The following SAP30BP variants were observed in gnomAD, a reference collection of about 807,000 sequenced individuals.
SAP30BP encodes the protein SAP30 binding protein.
SAP30BP carries 31 observed loss-of-function variants against 46.3 expected under a neutral mutation model. That is an observed-to-expected ratio of 0.67 (90% confidence interval 0.50 to 0.90). The LOEUF (loss-of-function observed/expected upper bound fraction) is 0.90. Ranked by LOEUF, SAP30BP falls within the 40% of genes least tolerant of loss-of-function variation. The probability of loss-of-function intolerance (pLI) is 0.00; values close to 1 mark genes in which losing one functional copy is unlikely to be tolerated. For missense variants in SAP30BP, 312 were observed against 391.0 expected, an observed-to-expected ratio of 0.80 and a Z score of 1.70; for synonymous variants, 169 against 144.2, an observed-to-expected ratio of 1.17 and a Z score of -1.23.
intron 3 of SAP30BP, among the ~76,000 whole-genome samples, chr17:75,675,791 C>CCT (rs2059980980): frequency 6.6e-6 from 1 of 152,032 alleles, no homozygotes; most frequent in African/African-American, 2.4e-5. Flanking sequence ...GCGGCGCATG[C>CCT]CTCTAGTCCC....
chr17:75,682,190 T>G (rs2060086724), intron 3 of SAP30BP, among the ~76,000 whole-genome samples: 1 of 149,750 alleles, frequency 6.7e-6, no homozygotes, highest in Non-Finnish European at 1.5e-5. Context: ...ATACGACCAT[T>G]TTTTTTTTTT....
chr17:75,694,685 A>G (rs2060289944), intron 4 of SAP30BP, among the ~76,000 whole-genome samples: 1 of 152,212 alleles, frequency 6.6e-6, no homozygotes, highest in Non-Finnish European at 1.5e-5. Flanking sequence ...TATCCCCGCC[A>G]TCACCCGAGC....
At chr17:75,695,547 C>T (rs566984347) in intron 4 of SAP30BP, among the ~76,000 whole-genome samples, 13 of 152,246 alleles carry the variant, frequency 8.5e-5, no homozygotes, top group Admixed American at 2.0e-4. Context: ...TAAGCGGCAT[C>T]GTTTTGATTA....
Position 75,706,123 on chromosome 17 carries a change from A to T in SAP30BP, c.745+31A>T. On this transcript the variant is annotated intron_variant, in intron 10 of 10. Transcript: ENST00000584667. The surrounding 1 kb of genome is among the most constrained non-coding windows in gnomAD (Gnocchi z 4.6). Reference sequence around the variant, plus strand: ...TTGCAGAGCTGCCCTGCCTCCTGCCACACACATGGAGCCAGGGTCTCCCTG... The same window carrying T: ...TTGCAGAGCTGCCCTGCCTCCTGCCTCACACATGGAGCCAGGGTCTCCCTG... 1 of 1,598,278 alleles carries T rather than the reference A, an allele frequency of 6.3e-7. No individual in the cohort carries two copies.
At chr17:75,697,561 A>G (rs563418840) in intron 4 of SAP30BP, among the ~76,000 whole-genome samples, 3 of 152,302 alleles carry the variant, frequency 2.0e-5, no homozygotes, top group East Asian at 3.9e-4. Flanking sequence ...ACCTCTGATC[A>G]ATGTATCACC....
chr17:75,703,864 C>G lies in SAP30BP; in HGVS notation c.601+5C>G. ...ACTCCTACTATGAGGCATTAGGTAG[C>G]CTTTCGTCCCTCCTCCCATATACCT... On this transcript the variant is annotated splice_donor_5th_base_variant and intron_variant, in intron 8 of 10. Transcript: ENST00000584667. 6.2e-7 allele frequency: 1 copy of G among 1,605,842 alleles called. No homozygotes were observed. The highest frequency in any genetic ancestry group is 8.5e-7 in the Non-Finnish European group (1 of 1,172,392).
chr17:75,696,131 C>T (rs966734752), intron 4 of SAP30BP, among the ~76,000 whole-genome samples: 1 of 152,224 alleles, frequency 6.6e-6, no homozygotes, highest in African/African-American at 2.4e-5. Flanking sequence ...GTGCGGCTGC[C>T]TCTGAGAACA....
At chr17:75,692,949 G>A (rs533430139) in intron 3 of SAP30BP, 1 of 152,664 alleles carries the variant, frequency 6.6e-6, no homozygotes, top group South Asian at 2.1e-4. Flanking sequence ...AATAAGAAGA[G>A]TATCTTGGGA....
At position 75,668,809 on chromosome 17, in the gene SAP30BP, A is replaced by C. The variant is rs193148346; in HGVS notation, c.216+184A>C. 2.0e-5 allele frequency among the ~76,000 whole-genome samples: 3 copies of C among 152,308 alleles called. No individual in the cohort carries two copies. The East Asian group carries it at 5.8e-4, about 29-fold the overall frequency. On this transcript the variant is annotated intron_variant, in intron 2 of 10. Coordinates refer to ENST00000584667, the MANE Select transcript of SAP30BP (RefSeq NM_013260.8). Reference sequence around the variant, plus strand: ...TGTTTGAAAATGTATTTTCACATGGATCATTTTTTATTAATCTTTGAATTG... The same window carrying C: ...TGTTTGAAAATGTATTTTCACATGGCTCATTTTTTATTAATCTTTGAATTG...
intron 7 of SAP30BP, 104 bp downstream of exon 7, chr17:75,703,475 C>T (rs991314604): frequency 1.5e-5 from 15 of 979,540 alleles, no homozygotes; most frequent in Middle Eastern, 3.0e-4. Context: ...CGTGGTGGCA[C>T]GGCTCGTTGA....
At chr17:75,671,467 T>G (rs1313537187) in intron 2 of SAP30BP, among the ~76,000 whole-genome samples, 1 of 152,200 alleles carries the variant, frequency 6.6e-6, no homozygotes, top group Non-Finnish European at 1.5e-5. Flanking sequence ...GATGCCTGTT[T>G]TATTGTGTGG....
At chr17:75,685,757 G>A (rs868668425) in intron 3 of SAP30BP, among the ~76,000 whole-genome samples, 1 of 152,088 alleles carries the variant, frequency 6.6e-6, no homozygotes, top group Non-Finnish European at 1.5e-5. Context: ...CTTGTGGGAA[G>A]CCTTGAAGGG....
chr17:75,697,935 G>T (rs762482653), intron 4 of SAP30BP, among the ~76,000 whole-genome samples: 2 of 152,240 alleles, frequency 1.3e-5, no homozygotes, highest in Non-Finnish European at 2.9e-5. Flanking sequence ...CAGTGGGTTA[G>T]CTGGGGCCTG....
intron 3 of SAP30BP, among the ~76,000 whole-genome samples, chr17:75,677,608 T>TC: frequency 1.3e-5 from 1 of 74,928 alleles, no homozygotes; most frequent in East Asian, 9.0e-4. Context: ...ATTTTTGTAT[T>TC]TTTTTTTTTT....
At chr17:75,674,327 C>G (rs999966321) in intron 3 of SAP30BP, among the ~76,000 whole-genome samples, 2 of 152,212 alleles carry the variant, frequency 1.3e-5, no homozygotes, top group East Asian at 1.9e-4. Flanking sequence ...CAGAGTCTTG[C>G]TCTGTCGCTC....
intron 2 of SAP30BP, among the ~76,000 whole-genome samples, chr17:75,669,320 T>C (rs2059874010): frequency 1.3e-5 from 2 of 152,258 alleles, no homozygotes; most frequent in African/African-American, 4.8e-5. Context: ...CTCTGCTCAC[T>C]GCAACCTCCA....
At chr17:75,685,169 C>CAG (rs2060138304) in intron 3 of SAP30BP, among the ~76,000 whole-genome samples, 1 of 152,198 alleles carries the variant, frequency 6.6e-6, no homozygotes, top group East Asian at 1.9e-4. Context: ...AACATACCTC[C>CAG]TTCCCTTCGG....
chr17:75,683,048 T>C (rs1348098334), intron 3 of SAP30BP, among the ~76,000 whole-genome samples: 1 of 41,142 alleles, frequency 2.4e-5, no homozygotes, highest in East Asian at 2.8e-3. Context: ...ATTTATTTAT[T>C]TATTTATTTT....
At chr17:75,667,533 G>A (rs1444217104) in intron 1 of SAP30BP, 55 bp downstream of exon 1, 3 of 1,521,880 alleles carry the variant, frequency 2.0e-6, no homozygotes, top group East Asian at 2.3e-5. Flanking sequence ...CCGGAATGCT[G>A]TACCCTCGCT....
Sources: gnomAD v4.1 joint callset for allele counts (sites outside exome capture counted in the v4.1 genomes callset) on GRCh38, gnomAD v4.1.1 for gene constraint, Gnocchi (gnomAD v3.1) non-coding constraint, MANE v1.5 for transcripts, NCBI Gene and HGNC (gene_info 2026-07-23, HGNC 2026-07-21) for gene names.